ADAMTS6: variants seen among roughly 807,000 people sequenced by gnomAD.
ADAMTS6 encodes the protein ADAM metallopeptidase with thrombospondin type 1 motif 6, also known as A disintegrin and metalloproteinase with thrombospondin motifs 6.
ADAMTS6 carries 23 observed loss-of-function variants against 144.3 expected under a neutral mutation model. The ratio of observed to expected loss-of-function variants is 0.16; its 90% CI spans 0.11 to 0.23. The LOEUF (loss-of-function observed/expected upper bound fraction) is 0.23. Among genes scored for constraint, ADAMTS6 ranks in the 10% least tolerant of loss-of-function variants. The probability of loss-of-function intolerance (pLI) is 1.00; values close to 1 mark genes in which losing one functional copy is unlikely to be tolerated. For synonymous variants in ADAMTS6, 444 were observed against 457.5 expected, an observed-to-expected ratio of 0.97 and a Z score of 0.38; for missense variants, 999 against 1,379.6, an observed-to-expected ratio of 0.72 and a Z score of 4.37.
At chr5:65,450,486 C>T (rs1758650901) in intron 7 of ADAMTS6, among the ~76,000 whole-genome samples, 1 of 152,044 alleles carries the variant, frequency 6.6e-6, no homozygotes, top group Non-Finnish European at 1.5e-5. Context: ...TTAAATACTG[C>T]CTTGCAAATT....
intron 7 of ADAMTS6, among the ~76,000 whole-genome samples, chr5:65,378,164 G>A (rs1055262602): frequency 4.6e-5 from 7 of 152,170 alleles, no homozygotes; most frequent in African/African-American, 1.7e-4. Context: ...CATATCTTTT[G>A]GGGGGATACA....
At chr5:65,340,650 T>C (rs960606670) in intron 7 of ADAMTS6, among the ~76,000 whole-genome samples, 2 of 151,686 alleles carry the variant, frequency 1.3e-5, no homozygotes, top group Admixed American at 6.6e-5. Context: ...AAATTCCCCA[T>C]TGAAAAGATA....
intron 7 of ADAMTS6, among the ~76,000 whole-genome samples, chr5:65,360,299 C>T (rs1055718110): frequency 2.0e-5 from 3 of 152,042 alleles, no homozygotes; most frequent in South Asian, 2.1e-4. Context: ...ATCAAGAGAA[C>T]GGCACTAGGA....
At chr5:65,401,554 T>C (rs1753917011) in intron 7 of ADAMTS6, among the ~76,000 whole-genome samples, 1 of 152,210 alleles carries the variant, frequency 6.6e-6, no homozygotes, top group Non-Finnish European at 1.5e-5. Flanking sequence ...AGGGTCCATT[T>C]AAAACTAGGT....
chr5:65,338,118 GA>G (rs36074668), intron 7 of ADAMTS6, among the ~76,000 whole-genome samples: 1 of 152,164 alleles, frequency 6.6e-6, no homozygotes, highest in Non-Finnish European at 1.5e-5. Flanking sequence ...AATAAAATTG[GA>G]AAATGTTCTT....
intron 7 of ADAMTS6, among the ~76,000 whole-genome samples, chr5:65,394,410 G>T (rs1431692930): frequency 6.6e-6 from 1 of 152,188 alleles, no homozygotes. Flanking sequence ...GCCCAGCTGA[G>T]CACTTCCCAA....
chr5:65,391,068 A>G (rs1003783193), intron 7 of ADAMTS6, among the ~76,000 whole-genome samples: 2 of 151,718 alleles, frequency 1.3e-5, no homozygotes, highest in Admixed American at 6.6e-5. Flanking sequence ...CTATAGGCAC[A>G]CACCACCACA....
rs146443495 is a variant in ADAMTS6, at chr5:65,292,179, C to T, written c.1371-709G>A. ...GTAGAACAAATAACATAAAGGTCGC[C>T]AAAACCCAGACAAAATACCTTAGTT... On this transcript the variant is annotated intron_variant, in intron 10 of 24. Transcript: ENST00000381055. 3.9e-5 allele frequency among the ~76,000 whole-genome samples: 6 copies of T among 152,152 alleles called. No homozygotes were observed. In the East Asian group the frequency reaches 1.2e-3, roughly 29 times the overall value.
intron 24 of ADAMTS6, among the ~76,000 whole-genome samples, chr5:65,163,384 G>A (rs1318578474): frequency 6.6e-6 from 1 of 152,158 alleles, no homozygotes; most frequent in African/African-American, 2.4e-5. Flanking sequence ...ATTTAAAGTT[G>A]TGATTTTTAA....
At chr5:65,170,576 G>A (rs1346876194) in intron 24 of ADAMTS6, 41 bp downstream of exon 24, 1 of 1,605,620 alleles carries the variant, frequency 6.2e-7, no homozygotes, top group Non-Finnish European at 8.5e-7. Flanking sequence ...GTAAAGGTGG[G>A]TCATTAGAAA....
At chr5:65,258,561 G>C (rs546604161) in intron 14 of ADAMTS6, among the ~76,000 whole-genome samples, 2 of 152,252 alleles carry the variant, frequency 1.3e-5, no homozygotes, top group South Asian at 4.1e-4. Flanking sequence ...GATAGCAAAG[G>C]GGAATCCTCA....
chr5:65,334,681 G>T (rs1191015376), intron 7 of ADAMTS6, among the ~76,000 whole-genome samples: 1 of 152,050 alleles, frequency 6.6e-6, no homozygotes, highest in East Asian at 1.9e-4. Flanking sequence ...TTTACAACAG[G>T]CTAAATGAAT....
chr5:65,274,197 T>C (rs879913719), intron 11 of ADAMTS6, among the ~76,000 whole-genome samples: 3 of 152,090 alleles, frequency 2.0e-5, no homozygotes, highest in Admixed American at 6.6e-5. Context: ...TACTTTTTTG[T>C]TAATACTATA....
chr5:65,376,224 C>T (rs536578924), intron 7 of ADAMTS6, among the ~76,000 whole-genome samples: 1 of 152,028 alleles, frequency 6.6e-6, no homozygotes, highest in South Asian at 2.1e-4. Flanking sequence ...AACTAACCTG[C>T]ACATTGTGCA....
At chr5:65,252,884 G>C (rs974626934) in intron 14 of ADAMTS6, among the ~76,000 whole-genome samples, 2 of 151,924 alleles carry the variant, frequency 1.3e-5, no homozygotes, top group Non-Finnish European at 2.9e-5. Flanking sequence ...TTTCTTTTCT[G>C]TTTCTTTTTT....
intron 7 of ADAMTS6, among the ~76,000 whole-genome samples, chr5:65,408,070 C>T (rs1394407423): frequency 6.6e-6 from 1 of 152,120 alleles, no homozygotes; most frequent in Admixed American, 6.6e-5. Context: ...ACCATCGATG[C>T]TAGGAAGAAA....
intron 15 of ADAMTS6, among the ~76,000 whole-genome samples, chr5:65,231,253 A>T (rs1758221659): frequency 6.6e-6 from 1 of 152,190 alleles, no homozygotes; most frequent in Non-Finnish European, 1.5e-5. Context: ...ATCAGACAAA[A>T]TAGGCTATTA....
chr5:65,156,366 C>T (rs903635080), intron 24 of ADAMTS6, among the ~76,000 whole-genome samples: 1 of 150,916 alleles, frequency 6.6e-6, no homozygotes, highest in Non-Finnish European at 1.5e-5. Context: ...AAACAAAAAA[C>T]ACCAAAAAAA....
chr5:65,205,837 C>T (rs1756049443), intron 20 of ADAMTS6, among the ~76,000 whole-genome samples: 1 of 152,102 alleles, frequency 6.6e-6, no homozygotes, highest in African/African-American at 2.4e-5. Flanking sequence ...TAATCACCCA[C>T]TATTCTTACC....
Sources: gnomAD v4.1 joint callset for allele counts (sites outside exome capture counted in the v4.1 genomes callset) on GRCh38, gnomAD v4.1.1 for gene constraint, MANE v1.5 for transcripts, NCBI Gene and HGNC (gene_info 2026-07-23, HGNC 2026-07-21) for gene names.